FUS: variants seen among roughly 807,000 people sequenced by gnomAD.
FUS encodes RNA-binding protein FUS.
In FUS, 5 loss-of-function variants were observed where a neutral mutation model predicts 82.7. The ratio of observed to expected loss-of-function variants is 0.06; its 90% CI spans 0.03 to 0.13. The LOEUF is 0.13. Among genes scored for constraint, FUS ranks in the 10% least tolerant of loss-of-function variants. The pLI, the probability that FUS is intolerant of heterozygous loss-of-function variation, is 1.00. For missense variants in FUS, 512 were observed against 707.8 expected (o/e 0.72, Z 3.14); for synonymous variants, 281 against 247.4 (o/e 1.14, Z -1.27).
chr16:31,184,479 TG>T (rs2079231355), intron 5 of FUS, 83 bp downstream of exon 5: 1 of 1,324,794 alleles, frequency 7.5e-7, no homozygotes, highest in Non-Finnish European at 1.1e-6. Context: ...GCTCTGTCTC[TG>T]TTGCTGAGGC....
Position 31,191,575 on chromosome 16 carries a change from G to T in FUS, c.*137G>T. ...CTATGTAATTGTAACTATACCTCTG[G>T]TTCCCATTAAAAGTGACCATTTTAG... On this transcript the variant is annotated 3_prime_UTR_variant, in exon 15 of 15. Transcript: ENST00000254108. 1.1e-6 allele frequency: 1 copy of T among 948,818 alleles called. No individual in the cohort carries two copies. Among genetic ancestry groups the T allele is most frequent in the Non-Finnish European group, 1.7e-6 (1 of 594,488 alleles). The allele number at this position is 948,818 out of a possible 1,614,324, so 58.8% of individuals were successfully genotyped here. A position where few individuals can be genotyped will look rare whatever the true frequency, so the allele number is the denominator to read the frequency against.
Position 31,186,853 on chromosome 16 carries a change from T to C in FUS, c.799+17T>C. 6.2e-7 allele frequency: 1 copy of C among 1,610,564 alleles called. No homozygotes were observed. Among genetic ancestry groups the C allele is most frequent in the South Asian group, 1.1e-5 (1 of 91,012 alleles). ...AATTTGGTGGTAAGTGAACAGAGTT[T>C]CCAAAATTCCCAACTCCCAGCAATG... is the stretch of plus-strand genomic sequence containing the variant. On this transcript the variant is annotated intron_variant, in intron 7 of 14. Transcript: ENST00000254108.
chr16:31,194,853 TTCAG>T (rs1567484102), downstream of FUS: 1 of 474,998 alleles, frequency 2.1e-6, no homozygotes. Context: ...AATGATTGAC[TTCAG>T]TCATTCAGTA....
At chr16:31,184,579 G>T (rs915626497) in intron 5 of FUS, among the ~76,000 whole-genome samples, 183 bp downstream of exon 5, 1 of 152,088 alleles carries the variant, frequency 6.6e-6, no homozygotes, top group Non-Finnish European at 1.5e-5. Context: ...GAGTAGCTGG[G>T]ACTACAGGCA....
At chr16:31,188,017 C>T (rs1013325242) in intron 7 of FUS, 11 of 475,344 alleles carry the variant, frequency 2.3e-5, no homozygotes, top group Admixed American at 7.4e-5. Context: ...AATGGGTCTC[C>T]GTTTCCCCTG....
chr16:31,182,882 A>G (rs112165720), intron 3 of FUS: 3 of 557,594 alleles, frequency 5.4e-6, no homozygotes, highest in African/African-American at 1.9e-5. Context: ...ACGCCTGGCT[A>G]ATTTTGTGTT....
chr16:31,189,827 G>C, intron 10 of FUS, 33 bp downstream of exon 10: 1 of 1,613,554 alleles, frequency 6.2e-7, no homozygotes, highest in Non-Finnish European at 8.5e-7. Flanking sequence ...AGGTGGGGCT[G>C]GGGATATAGG....
intron 6 of FUS, chr16:31,185,792 C>A (rs2079260690): frequency 3.5e-6 from 1 of 288,944 alleles, no homozygotes; most frequent in Non-Finnish European, 7.0e-6. Flanking sequence ...CCTATTTGTT[C>A]CACTGTCTGC....
chr16:31,191,303 C>T, intron 14 of FUS, 96 bp from the exon 15 acceptor site: 1 of 1,532,734 alleles, frequency 6.5e-7, no homozygotes, highest in Non-Finnish European at 9.0e-7. Context: ...AAGATACTCG[C>T]TGGGTTAGGT....
chr16:31,183,747 G>A, intron 3 of FUS, 111 bp from the exon 4 acceptor site: 6 of 1,353,660 alleles, frequency 4.4e-6, no homozygotes, highest in Non-Finnish European at 6.3e-6. Context: ...ATCACTAACA[G>A]CTTCTGAGAG....
In FUS at chr16:31,180,163, T is replaced by G. The variant is rs775334865; in HGVS notation, c.-52T>G. 2 of 1,601,832 alleles carry G rather than the reference T, an allele frequency of 1.2e-6. No homozygotes were observed. The highest frequency in any genetic ancestry group is 1.1e-5 in the South Asian group (1 of 89,256). ...TGCTCAGTCCTCCAGGCGTCGGTAC[T>G]CAGCGGTGTTGGAACTTCGTTGCTT... On this transcript the variant is annotated 5_prime_UTR_variant, in exon 1 of 15. Coordinates refer to ENST00000254108, the MANE Select transcript of FUS (RefSeq NM_004960.4).
downstream of FUS, chr16:31,193,569 A>G (rs1348310014): frequency 1.7e-5 from 9 of 529,936 alleles, no homozygotes; most frequent in South Asian, 3.1e-5. Flanking sequence ...TGGGACCATT[A>G]GTGTCAAGTT....
In FUS at chr16:31,183,886, G is replaced by T. The variant is rs150858484; in HGVS notation, c.219G>T (p.Gln73His). 3.7e-6 allele frequency: 6 copies of T among 1,614,202 alleles called. No homozygotes were observed. Among genetic ancestry groups the T allele is most frequent in the Non-Finnish European group, 4.2e-6 (5 of 1,180,042 alleles). The change falls in exon 4 of 15, where the codon CAG becomes CAT. Residue 73 changes from glutamine (Q) to histidine (H), a missense_variant. Coordinates refer to ENST00000254108, the MANE Select transcript of FUS (RefSeq NM_004960.4). ...NTGYGTQSTP[Q>H]GYGSTGGYGS... ...GCTATGGAACTCAGTCAACTCCCCA[G>T]GGATATGGCTCGACTGGCGGCTATG...
intron 11 of FUS, 60 bp downstream of exon 11, chr16:31,190,201 A>G: frequency 6.2e-7 from 1 of 1,613,850 alleles, no homozygotes; most frequent in East Asian, 2.2e-5. Flanking sequence ...AAGATGGTAA[A>G]GGCTTGCATG....
chr16:31,191,653 G>T (rs758794747), downstream of FUS: 10 of 703,158 alleles, frequency 1.4e-5, no homozygotes, highest in South Asian at 1.5e-4. Flanking sequence ...TCGATGTCCC[G>T]ATCAGGAAGG....
At chr16:31,194,713 C>T (rs770331373), downstream of FUS, 1 of 486,202 alleles carries the variant, frequency 2.1e-6, no homozygotes, top group South Asian at 1.5e-5. Context: ...TCCATCACTT[C>T]ATATCATTAG....
At position 31,180,536 on chromosome 16, in the gene FUS, C is replaced by T. The variant is rs193210594; in HGVS notation, c.13+309C>T. 4.6e-3 allele frequency among the ~76,000 whole-genome samples: 707 copies of T among 152,318 alleles called. 5 individuals carry two copies. Among genetic ancestry groups the T allele is most frequent in the South Asian group, 9.1e-3 (44 of 4,830 alleles). ...GTGGAAAACGCCCATTCTCCGTGGC[C>T]TCGCCTCCCCCAACTCCCGGCCCCG... On this transcript the variant is annotated intron_variant, in intron 1 of 14. Transcript: ENST00000254108.
downstream of FUS, chr16:31,191,704 C>G (rs2079363913): frequency 1.5e-6 from 1 of 678,396 alleles, no homozygotes; most frequent in East Asian, 2.8e-5. Flanking sequence ...CCAGCAGGAA[C>G]TGGAATACAG....
chr16:31,193,336 A>G (rs2079385369), downstream of FUS: 3 of 523,328 alleles, frequency 5.7e-6, no homozygotes, highest in Admixed American at 2.2e-5. Flanking sequence ...CTTCCCAGGC[A>G]TTGCTTTGAC....
Sources: allele counts gnomAD v4.1 joint callset (sites outside exome capture counted in the v4.1 genomes callset), GRCh38; gene constraint gnomAD v4.1.1; transcripts MANE v1.5; gene names NCBI Gene and HGNC (gene_info 2026-07-23, HGNC 2026-07-21).